Variants in HTRA1 observed in about 807,000 individuals in gnomAD.
The protein encoded by HTRA1 is serine protease HTRA1.
Under a neutral mutation model 49.7 loss-of-function variants are expected in HTRA1, and 26 were observed. That is an observed-to-expected ratio of 0.52 (90% CI 0.38 to 0.73). The LOEUF is 0.73. Ranked by LOEUF, HTRA1 falls within the 30% of genes least tolerant of loss-of-function variation. The probability of loss-of-function intolerance (pLI) is 0.00; values close to 1 mark genes in which losing one functional copy is unlikely to be tolerated. For synonymous variants in HTRA1, 291 were observed against 286.9 expected, an observed-to-expected ratio of 1.01 and a Z score of -0.14; for missense variants, 561 against 667.2, an observed-to-expected ratio of 0.84 and a Z score of 1.75.
intron 3 of HTRA1, among the ~76,000 whole-genome samples, chr10:122,497,624 C>CT (rs967800874): frequency 6.6e-6 from 1 of 152,302 alleles, no homozygotes; most frequent in Admixed American, 6.5e-5. Context: ...GCTTTATAGC[C>CT]TATAGACAGC....
rs1179367955 is a variant in HTRA1 at position 122,490,292 on chromosome 10, CT to C, written c.777+671del. On this transcript the variant is annotated intron_variant, in intron 3 of 8. Coordinates refer to ENST00000368984, the MANE Select transcript of HTRA1 (RefSeq NM_002775.5). The surrounding 1 kb of genome is among the most constrained non-coding windows in gnomAD (Gnocchi z 4.2). ...AAATTATAATCATTTGAGTATACAG[CT>C]TTTTGTGGGGGCAGGCAGAACTGAG... Among the ~76,000 whole-genome samples the C allele has an allele frequency of 6.6e-6, 1 of 152,140 alleles. No homozygotes were observed. Among genetic ancestry groups the C allele is most frequent in the Non-Finnish European group, 1.5e-5 (1 of 68,022 alleles).
At position 122,464,083 on chromosome 10, in the gene HTRA1, G is replaced by A. The variant is rs1298261958; in HGVS notation, c.472+1959G>A. Among the ~76,000 whole-genome samples, 2 of 152,112 alleles carry A rather than the reference G, an allele frequency of 1.3e-5. No individual in the cohort carries two copies. The highest frequency in any genetic ancestry group is 2.9e-5 in the Non-Finnish European group (2 of 68,024). ...GCAGTGGAGTGCGGAATGCATCCAGGGTGGAGAGTTTAGACTACTGCAATA... is the reference window on the plus strand; with the variant it reads ...GCAGTGGAGTGCGGAATGCATCCAGAGTGGAGAGTTTAGACTACTGCAATA... On this transcript the variant is annotated intron_variant, in intron 1 of 8. Transcript: ENST00000368984. This position sits in a 1 kb window ranked among gnomAD's most constrained non-coding sequence, Gnocchi z 4.8.
chr10:122,495,766 G>T (rs1166740267), intron 3 of HTRA1, among the ~76,000 whole-genome samples: 1 of 152,158 alleles, frequency 6.6e-6, no homozygotes, highest in Non-Finnish European at 1.5e-5. Context: ...ATTTGTTTAG[G>T]AATGTCTCCT....
chr10:122,480,920 G>A (rs67574325), intron 1 of HTRA1, among the ~76,000 whole-genome samples: 31,656 of 151,852 alleles, frequency 0.21, 3,553 homozygotes, highest in South Asian at 0.43. Flanking sequence ...GACAAATACT[G>A]CAAACATCAC....
chr10:122,462,952 T>C (rs892251316), intron 1 of HTRA1, among the ~76,000 whole-genome samples: 12 of 152,260 alleles, frequency 7.9e-5, no homozygotes, highest in African/African-American at 2.2e-4. Context: ...TGGAGCAATG[T>C]CTAACTCTCT....
chr10:122,512,483 A>G (rs1378186904), intron 8 of HTRA1, among the ~76,000 whole-genome samples: 2 of 152,146 alleles, frequency 1.3e-5, no homozygotes, highest in Admixed American at 6.5e-5. Context: ...ATACCTGTCA[A>G]CACCTCCAGA....
intron 3 of HTRA1, among the ~76,000 whole-genome samples, chr10:122,496,559 G>T (rs1016424442): frequency 2.0e-5 from 3 of 151,998 alleles, no homozygotes; most frequent in Non-Finnish European, 4.4e-5. Flanking sequence ...TGTGGGAAAT[G>T]GGTGATGTAA....
chr10:122,493,174 C>G (rs777172979), intron 3 of HTRA1, among the ~76,000 whole-genome samples: 1 of 152,194 alleles, frequency 6.6e-6, no homozygotes, highest in Non-Finnish European at 1.5e-5. Flanking sequence ...CCAGCCCCCT[C>G]TTGCCTGCCC....
At chr10:122,508,614 A>G (rs1408876549) in intron 5 of HTRA1, 42 bp from the exon 6 acceptor site, 7 of 1,276,126 alleles carry the variant, frequency 5.5e-6, no homozygotes, top group Middle Eastern at 1.8e-4. Flanking sequence ...CCTGCCGGTA[A>G]AGCTTCACGA....
At position 122,461,577 on chromosome 10, in the gene HTRA1, C is replaced by A; in HGVS notation, c.-76C>A. On this transcript the variant is annotated 5_prime_UTR_variant, in exon 1 of 9. Coordinates refer to ENST00000368984, the MANE Select transcript of HTRA1 (RefSeq NM_002775.5). ...CACTCGCACCCGCTGCCCCCGAGGC[C>A]CTCCTGCACTCTCCCCGGCGCCGCT... The A allele has an allele frequency of 1.1e-6, 1 of 894,816 alleles. No individual in the cohort carries two copies. The highest frequency in any genetic ancestry group is 1.5e-6 in the Non-Finnish European group (1 of 664,188). The allele number at this position is 894,816 out of a possible 1,614,324, so 55.4% of individuals were successfully genotyped here. A position where few individuals can be genotyped will look rare whatever the true frequency, so the allele number is the denominator to read the frequency against.
At chr10:122,462,389 A>G (rs1299198818) in intron 1 of HTRA1, among the ~76,000 whole-genome samples, 1 of 152,222 alleles carries the variant, frequency 6.6e-6, no homozygotes, top group Non-Finnish European at 1.5e-5. Flanking sequence ...ACGCCGGGCG[A>G]CCGGCCATGG....
At position 122,514,717 on chromosome 10, in the gene HTRA1, C is replaced by T. The variant is rs752815883; in HGVS notation, c.*358C>T. ...CAATGCGTAGATAGAAGAAGCCCCA[C>T]GGGAGCCAGGATGGGACTGGTCGTG... On this transcript the variant is annotated 3_prime_UTR_variant, in exon 9 of 9. Transcript: ENST00000368984. The T allele has an allele frequency of 2.7e-5, 9 of 328,024 alleles. No individual in the cohort carries two copies. Among genetic ancestry groups the T allele is most frequent in the South Asian group, 8.2e-5 (3 of 36,646 alleles). The allele number at this position is 328,024 out of a possible 1,614,324, so 20.3% of individuals were successfully genotyped here.
At chr10:122,495,503 C>T (rs1189191928) in intron 3 of HTRA1, among the ~76,000 whole-genome samples, 1 of 152,086 alleles carries the variant, frequency 6.6e-6, no homozygotes, top group African/African-American at 2.4e-5. Flanking sequence ...GGGGACGTGG[C>T]TCCTAAGCTC....
At chr10:122,510,227 C>G in intron 7 of HTRA1, 74 bp downstream of exon 7, 1 of 1,227,710 alleles carries the variant, frequency 8.1e-7, no homozygotes, top group South Asian at 1.2e-5. Flanking sequence ...CACGGGCACC[C>G]CTGAAAGAGA....
intron 6 of HTRA1, among the ~76,000 whole-genome samples, chr10:122,509,860 A>G (rs1047877438): frequency 6.6e-6 from 1 of 152,134 alleles, no homozygotes; most frequent in Non-Finnish European, 1.5e-5. Context: ...AGCTGTCAGG[A>G]TGAGGCCATG....
Position 122,494,218 on chromosome 10 carries a change from C to T in HTRA1, c.777+4592C>T, listed in dbSNP as rs117690577. Among the ~76,000 whole-genome samples the T allele has an allele frequency of 1.1e-3, 173 of 152,250 alleles. 2 individuals carry two copies. In the East Asian group the frequency reaches 0.022, roughly 20 times the overall value. ...GAAGTTCATCTCTGCAGCTGGACTGCGGGGTTGGGGGCACATCCGGCTGTC... is the reference window on the plus strand; with the variant it reads ...GAAGTTCATCTCTGCAGCTGGACTGTGGGGTTGGGGGCACATCCGGCTGTC... On this transcript the variant is annotated intron_variant, in intron 3 of 8. Coordinates refer to ENST00000368984, the MANE Select transcript of HTRA1 (RefSeq NM_002775.5). The surrounding 1 kb of genome is among the most constrained non-coding windows in gnomAD (Gnocchi z 4.0).
intron 3 of HTRA1, among the ~76,000 whole-genome samples, chr10:122,502,181 G>A (rs1275063892): frequency 6.6e-6 from 1 of 152,038 alleles, no homozygotes; most frequent in African/African-American, 2.4e-5. Context: ...AAAGCCGAGA[G>A]GGCAAGGGCA....
intron 3 of HTRA1, among the ~76,000 whole-genome samples, chr10:122,504,336 C>G (rs2097502144): frequency 6.6e-6 from 1 of 152,340 alleles, no homozygotes; most frequent in South Asian, 2.1e-4. Flanking sequence ...AGAGCCTGGG[C>G]CTGCCTCCCT....
chr10:122,507,272 C>G (rs879571803), intron 4 of HTRA1, 98 bp from the exon 5 acceptor site: 16 of 935,014 alleles, frequency 1.7e-5, no homozygotes, highest in South Asian at 2.6e-5. Context: ...TCGTGCCCCC[C>G]ACTCTAGGCA....
Sources: gnomAD v4.1 joint callset for allele counts (sites outside exome capture counted in the v4.1 genomes callset) on GRCh38, gnomAD v4.1.1 for gene constraint, Gnocchi (gnomAD v3.1) non-coding constraint, MANE v1.5 for transcripts, NCBI Gene and HGNC (gene_info 2026-07-23, HGNC 2026-07-21) for gene names.